The following NCKAP5 variants were observed in gnomAD, a reference collection of about 807,000 sequenced individuals.
The protein encoded by NCKAP5 is NCK associated protein 5, also known as nck-associated protein 5.
A neutral mutation model predicts 167.0 loss-of-function variants in NCKAP5; 92 were observed. The observed-to-expected ratio is 0.55, with a 90% CI of 0.47 to 0.66. The LOEUF is 0.66. Ranked by LOEUF, NCKAP5 falls within the 30% of genes least tolerant of loss-of-function variation. The pLI, the probability that NCKAP5 is intolerant of heterozygous loss-of-function variation, is 0.00. For synonymous variants in NCKAP5, 891 were observed against 877.4 expected (o/e 1.02, Z -0.27); for missense variants, 2,378 against 2,315.0 (o/e 1.03, Z -0.56).
Position 132,782,524 on chromosome 2 carries a change from C to G in NCKAP5, c.4287G>C (p.Gly1429=). The change falls in exon 14 of 20, where the codon GGG becomes GGC. Residue 1429 remains glycine, a synonymous_variant. Transcript: ENST00000409261. ...CAAAAGTGCTTGGATGCTGAGTCCT[C>G]CCTGGGCTCTGCAGGGCTTCAGGGC... is the stretch of plus-strand genomic sequence containing the variant. ...TDCPEALQSP[G]RTQHPSTFET... 6.2e-7 allele frequency: 1 copy of G among 1,600,272 alleles called. No homozygotes were observed. Among genetic ancestry groups the G allele is most frequent in the Non-Finnish European group, 8.5e-7 (1 of 1,173,704 alleles).
chr2:133,124,490 T>C (rs1053282269), intron 6 of NCKAP5, among the ~76,000 whole-genome samples: 5 of 152,238 alleles, frequency 3.3e-5, no homozygotes, highest in Non-Finnish European at 5.9e-5. Context: ...CAATAAAATG[T>C]GTAGTATTAC....
At position 132,868,382 on chromosome 2, in the gene NCKAP5, G is replaced by C. The variant is rs1017727912; in HGVS notation, c.687+554C>G. Among the ~76,000 whole-genome samples, 6 of 152,262 alleles carry C rather than the reference G, an allele frequency of 3.9e-5. No homozygotes were observed. In the South Asian group the frequency reaches 1.0e-3, roughly 26 times the overall value. ...GAATGGCAAGGCAGCAAACTCATAG[G>C]TATGGAAATTTCAGGCACAGTGGTT... On this transcript the variant is annotated intron_variant, in intron 10 of 19. Transcript: ENST00000409261.
chr2:132,782,989 G>T lies in NCKAP5; in HGVS notation c.3822C>A (p.Arg1274=), dbSNP rs1247481461. The change falls in exon 14 of 20, where the codon CGC becomes CGA. Residue 1274 remains arginine, a synonymous_variant. Coordinates refer to ENST00000409261, the MANE Select transcript of NCKAP5 (RefSeq NM_207363.3). ...CTGAGTGTGTACTGAAGCTGTGGCTGCGGGCTTTGGCGCCATTCATACCCA... is the reference window on the plus strand; with the variant it reads ...CTGAGTGTGTACTGAAGCTGTGGCTTCGGGCTTTGGCGCCATTCATACCCA... The part of the protein sequence containing the change: ...PALGMNGAKA[R]SHSFSTHSGD... 6.2e-7 allele frequency: 1 copy of T among 1,613,860 alleles called. No individual in the cohort carries two copies. Among genetic ancestry groups the T allele is most frequent in the African/African-American group, 1.3e-5 (1 of 74,936 alleles).
chr2:133,590,940 AGAG>A, the NCKAP5 span, among the ~76,000 whole-genome samples: 2 of 149,696 alleles, frequency 1.3e-5, no homozygotes, highest in African/African-American at 2.5e-5. Context: ...AGAGAGAGAG[AGAG>A]AGTGTTGTGT....
intron 11 of NCKAP5, among the ~76,000 whole-genome samples, chr2:132,830,253 A>G (rs188412298): frequency 9.4e-4 from 143 of 152,304 alleles, no homozygotes; most frequent in Non-Finnish European, 1.7e-3. Context: ...ACAGAGCAGT[A>G]AAAGTTATCC....
chr2:133,316,034 T>C (rs1454267185), intron 3 of NCKAP5, among the ~76,000 whole-genome samples: 2 of 152,156 alleles, frequency 1.3e-5, no homozygotes, highest in Non-Finnish European at 2.9e-5. Context: ...TCAGGTTCAG[T>C]AAGTCTAGGA....
At chr2:133,605,575 A>G in the NCKAP5 span, among the ~76,000 whole-genome samples, 1 of 152,326 alleles carries the variant, frequency 6.6e-6, no homozygotes, top group South Asian at 2.1e-4. Flanking sequence ...ACAGTCCCTG[A>G]ATTAGTCATA....
intron 16 of NCKAP5, among the ~76,000 whole-genome samples, chr2:132,758,302 C>T (rs1181672307): frequency 2.6e-5 from 4 of 152,114 alleles, no homozygotes; most frequent in African/African-American, 9.7e-5. Context: ...TGACTGAGTT[C>T]TTACAATAGG....
intron 6 of NCKAP5, among the ~76,000 whole-genome samples, chr2:133,042,642 T>A (rs2079253432): frequency 6.6e-6 from 1 of 152,222 alleles, no homozygotes; most frequent in African/African-American, 2.4e-5. Flanking sequence ...CTGATCTAGA[T>A]GTTGTTTGTG....
At chr2:132,810,084 T>A (rs958315761) in intron 11 of NCKAP5, among the ~76,000 whole-genome samples, 1 of 152,226 alleles carries the variant, frequency 6.6e-6, no homozygotes, top group African/African-American at 2.4e-5. Flanking sequence ...CTGATAATTG[T>A]TTTGTTTGAA....
intron 16 of NCKAP5, among the ~76,000 whole-genome samples, chr2:132,757,994 AG>A (rs551815171): frequency 6.6e-6 from 1 of 152,172 alleles, no homozygotes; most frequent in Non-Finnish European, 1.5e-5. Context: ...CATACACCCT[AG>A]GGATTTTACA....
At chr2:133,088,234 C>T (rs919498719) in intron 6 of NCKAP5, among the ~76,000 whole-genome samples, 4 of 152,198 alleles carry the variant, frequency 2.6e-5, no homozygotes, top group African/African-American at 7.2e-5. Context: ...ATAGCCCATG[C>T]TTCAGAGTTG....
chr2:133,556,780 T>C (rs1323628935), intron 2 of NCKAP5: 8 of 152,236 alleles, frequency 5.3e-5, no homozygotes, highest in Non-Finnish European at 1.2e-4. Context: ...TTTGCCTTGA[T>C]TTATGACAGA....
intron 19 of NCKAP5, among the ~76,000 whole-genome samples, chr2:132,721,368 A>G (rs1425227455): frequency 1.3e-5 from 2 of 152,128 alleles, no homozygotes; most frequent in African/African-American, 2.4e-5. Flanking sequence ...GGTGTGTTTG[A>G]AAAGGGCAGC....
At chr2:132,952,175 CTT>C (rs1388469406) in intron 8 of NCKAP5, among the ~76,000 whole-genome samples, 2 of 152,138 alleles carry the variant, frequency 1.3e-5, no homozygotes, top group African/African-American at 2.4e-5. Flanking sequence ...ATTAACAACA[CTT>C]TGTTCTAATT....
chr2:132,699,931 C>T (rs1402603415), intron 19 of NCKAP5, among the ~76,000 whole-genome samples: 6 of 152,182 alleles, frequency 3.9e-5, no homozygotes, highest in Middle Eastern at 3.2e-3. Context: ...GTTGAACTAG[C>T]TTACAGTCCC....
chr2:133,184,188 C>G (rs545577357), intron 5 of NCKAP5, among the ~76,000 whole-genome samples: 28 of 152,184 alleles, frequency 1.8e-4, no homozygotes, highest in African/African-American at 6.5e-4. Context: ...CAAATTTTAA[C>G]TCCCACCTAT....
At chr2:133,615,428 A>G in the NCKAP5 span, among the ~76,000 whole-genome samples, 9 of 152,290 alleles carry the variant, frequency 5.9e-5, no homozygotes, top group Middle Eastern at 0.014. Flanking sequence ...AGACACACAT[A>G]GGCTCAAAAT....
At chr2:133,180,496 C>T (rs2084683246) in intron 5 of NCKAP5, among the ~76,000 whole-genome samples, 1 of 151,986 alleles carries the variant, frequency 6.6e-6, no homozygotes, top group Non-Finnish European at 1.5e-5. Context: ...CACCACCAAG[C>T]CTGCCTAATT....
Sources: gnomAD v4.1 joint callset for allele counts (sites outside exome capture counted in the v4.1 genomes callset) on GRCh38, gnomAD v4.1.1 for gene constraint, MANE v1.5 for transcripts, NCBI Gene and HGNC (gene_info 2026-07-23, HGNC 2026-07-21) for gene names.